The following MYH14 variants were observed in gnomAD, a reference collection of about 807,000 sequenced individuals.
The protein encoded by MYH14 is myosin-14.
Under a neutral mutation model 255.5 loss-of-function variants are expected in MYH14, and 123 were observed. The observed-to-expected ratio is 0.48, with a 90% CI of 0.42 to 0.56. The LOEUF (loss-of-function observed/expected upper bound fraction) is 0.56. Ranked by LOEUF, MYH14 falls within the 20% of genes least tolerant of loss-of-function variation. The pLI, the probability that MYH14 is intolerant of heterozygous loss-of-function variation, is 0.00. For synonymous variants in MYH14, 1,095 were observed against 1,161.2 expected, an observed-to-expected ratio of 0.94 and a Z score of 1.16; for missense variants, 2,423 against 2,802.3, an observed-to-expected ratio of 0.86 and a Z score of 3.06.
rs533182894 is a variant in MYH14, at chr19:50,250,315, A to G, written c.1657-200A>G. Among the ~76,000 whole-genome samples, 3 of 142,236 alleles carry G rather than the reference A, an allele frequency of 2.1e-5. No homozygotes were observed. Among genetic ancestry groups the G allele is most frequent in the East Asian group, 3.9e-4 (2 of 5,138 alleles). The allele number at this position is 142,236 out of a possible 152,430, so 93.3% of individuals were successfully genotyped here. On this transcript the variant is annotated intron_variant, in intron 14 of 42. Coordinates refer to ENST00000642316, the MANE Select transcript of MYH14 (RefSeq NM_001145809.2). The surrounding 1 kb of genome is among the most constrained non-coding windows in gnomAD (Gnocchi z 5.4). ...CGGGGGTTTCACTGTGTTAGCCAGGATGGTCTCGATCTCCTGACCTCGTGA... is the reference window on the plus strand; with the variant it reads ...CGGGGGTTTCACTGTGTTAGCCAGGGTGGTCTCGATCTCCTGACCTCGTGA...
At chr19:50,241,968 T>A (rs1167544579) in intron 10 of MYH14, among the ~76,000 whole-genome samples, 1 of 152,242 alleles carries the variant, frequency 6.6e-6, no homozygotes, top group East Asian at 1.9e-4. Flanking sequence ...AGCCTCACTG[T>A]GTATTAAAAC....
chr19:50,222,341 G>A (rs1014173274), intron 3 of MYH14, among the ~76,000 whole-genome samples: 3 of 152,012 alleles, frequency 2.0e-5, no homozygotes, highest in Non-Finnish European at 2.9e-5. Flanking sequence ...TTAGCTGGGC[G>A]TGGTGGTGGG....
intron 15 of MYH14, among the ~76,000 whole-genome samples, chr19:50,251,710 T>C (rs1261381916): frequency 6.6e-6 from 1 of 152,094 alleles, no homozygotes; most frequent in Non-Finnish European, 1.5e-5. Context: ...CCCCAGTAGC[T>C]GGGATTACAG....
intron 9 of MYH14, 72 bp from the exon 10 acceptor site, chr19:50,231,858 C>T: frequency 6.3e-7 from 1 of 1,588,366 alleles, no homozygotes; most frequent in East Asian, 2.2e-5. Flanking sequence ...CTGGGATTGC[C>T]ACCGATGAAT....
chr19:50,276,915 G>A lies in MYH14; in HGVS notation c.3825+14G>A. 6.3e-7 allele frequency: 1 copy of A among 1,590,910 alleles called. No homozygotes were observed. The highest frequency in any genetic ancestry group is 8.6e-7 in the Non-Finnish European group (1 of 1,167,674). The stretch of plus-strand genomic sequence containing the variant: ...CAGGCCCGGAGGGTGGGTTGGGGCA[G>A]GGGGACAGGGCAGGGGGGCCACGGG... On this transcript the variant is annotated intron_variant, in intron 29 of 42. Coordinates refer to ENST00000642316, the MANE Select transcript of MYH14 (RefSeq NM_001145809.2). The surrounding 1 kb of genome is among the most constrained non-coding windows in gnomAD (Gnocchi z 4.3).
Position 50,252,961 on chromosome 19 carries a change from C to A in MYH14, c.1945+208C>A, listed in dbSNP as rs776604399. On this transcript the variant is annotated intron_variant, in intron 16 of 42. Coordinates refer to ENST00000642316, the MANE Select transcript of MYH14 (RefSeq NM_001145809.2). This position sits in a 1 kb window ranked among gnomAD's most constrained non-coding sequence, Gnocchi z 4.2. Reference sequence around the variant, plus strand: ...ATTGACTATTGATTTGATTGATAAGCCAGCATCCTTCTCAAGGATAAAGCA... The same window carrying A: ...ATTGACTATTGATTTGATTGATAAGACAGCATCCTTCTCAAGGATAAAGCA... Among the ~76,000 whole-genome samples, 4 of 152,192 alleles carry A rather than the reference C, an allele frequency of 2.6e-5. No individual in the cohort carries two copies. Among genetic ancestry groups the A allele is most frequent in the Non-Finnish European group, 5.9e-5 (4 of 68,030 alleles).
intron 24 of MYH14, among the ~76,000 whole-genome samples, chr19:50,270,948 C>A (rs964748346): frequency 6.6e-6 from 1 of 152,194 alleles, no homozygotes; most frequent in Non-Finnish European, 1.5e-5. Flanking sequence ...CCTGCCTTGG[C>A]CTCCCAAAGT....
At position 50,250,442 on chromosome 19, in the gene MYH14, TA is replaced by T; in HGVS notation, c.1657-68del. On this transcript the variant is annotated intron_variant, in intron 14 of 42. Transcript: ENST00000642316. This position sits in a 1 kb window ranked among gnomAD's most constrained non-coding sequence, Gnocchi z 5.4. ...ATGTCCAAGTGTGACTTATAAGAGC[TA>T]AAAATCAGCAGCCACCTGAGTGTCC... 1 of 1,490,270 alleles carries T rather than the reference TA, an allele frequency of 6.7e-7. No individual in the cohort carries two copies. The highest frequency in any genetic ancestry group is 9.2e-7 in the Non-Finnish European group (1 of 1,088,950). The allele number at this position is 1,490,270 out of a possible 1,614,324, so 92.3% of individuals were successfully genotyped here.
At chr19:50,289,736 T>G in intron 35 of MYH14, 88 bp downstream of exon 35, 1 of 1,229,100 alleles carries the variant, frequency 8.1e-7, no homozygotes, top group South Asian at 1.4e-5. Context: ...GCAAGGGGTC[T>G]CCCCGACCCA....
intron 10 of MYH14, among the ~76,000 whole-genome samples, chr19:50,242,772 G>A (rs535636989): frequency 1.3e-5 from 2 of 152,280 alleles, no homozygotes; most frequent in South Asian, 2.1e-4. Flanking sequence ...ACGGTCCTGC[G>A]TAGAATGGAG....
In MYH14 at chr19:50,276,608, A is replaced by T; in HGVS notation, c.3681-149A>T. Reference sequence around the variant, plus strand: ...TCACCCTTAAAGCCACACTCCTTCCACAGCATCACCACCCAGATCTCCTGA... The same window carrying T: ...TCACCCTTAAAGCCACACTCCTTCCTCAGCATCACCACCCAGATCTCCTGA... On this transcript the variant is annotated intron_variant, in intron 28 of 42. Coordinates refer to ENST00000642316, the MANE Select transcript of MYH14 (RefSeq NM_001145809.2). This position sits in a 1 kb window ranked among gnomAD's most constrained non-coding sequence, Gnocchi z 4.3. The T allele has an allele frequency of 9.9e-7, 1 of 1,012,660 alleles. No homozygotes were observed. Among genetic ancestry groups the T allele is most frequent in the Non-Finnish European group, 1.5e-6 (1 of 678,682 alleles). 62.7% of individuals were successfully genotyped at this position (1,012,660 alleles called of 1,614,324 possible).
intron 9 of MYH14, among the ~76,000 whole-genome samples, chr19:50,231,447 C>A (rs1271303695): frequency 6.6e-6 from 1 of 152,218 alleles, no homozygotes; most frequent in Non-Finnish European, 1.5e-5. Context: ...GGGACTCATG[C>A]CTGCAATCCC....
At position 50,299,570 on chromosome 19, in the gene MYH14, CAAAAAAA is replaced by C. The variant is rs4002409; in HGVS notation, c.5470-2072_5470-2066del. Among the ~76,000 whole-genome samples the C allele has an allele frequency of 4.4e-3, 255 of 57,640 alleles. 1 individual carries two copies. The highest frequency in any genetic ancestry group is 9.1e-3 in the Admixed American group (34 of 3,738). 37.8% of individuals were successfully genotyped at this position (57,640 alleles called of 152,430 possible). ...TTGGTGACAGAGCAAGACTCCATCT[CAAAAAAA>C]AAAAAAAAAAAAAAAAAATTTTAAA... On this transcript the variant is annotated intron_variant, in intron 39 of 42. Transcript: ENST00000642316.
At chr19:50,268,789 C>T (rs1253993572) in intron 24 of MYH14, among the ~76,000 whole-genome samples, 1 of 152,014 alleles carries the variant, frequency 6.6e-6, no homozygotes, top group Admixed American at 6.6e-5. Context: ...ATCCAGGTGC[C>T]CAAGTGATGT....
At chr19:50,260,795 GCATA>G in intron 20 of MYH14, 80 bp downstream of exon 20, 12 of 1,041,952 alleles carry the variant, frequency 1.2e-5, no homozygotes, top group Non-Finnish European at 1.6e-5. Flanking sequence ...GTGTGTGCAT[GCATA>G]TGTGTGCATG....
chr19:50,298,436 C>T (rs138452892), intron 39 of MYH14, among the ~76,000 whole-genome samples: 27 of 151,750 alleles, frequency 1.8e-4, no homozygotes, highest in African/African-American at 6.5e-4. Context: ...GAAGTATATA[C>T]GCAAAGCAAT....
intron 2 of MYH14, among the ~76,000 whole-genome samples, chr19:50,217,388 G>T (rs1312490377): frequency 6.6e-6 from 1 of 152,146 alleles, no homozygotes; most frequent in Non-Finnish European, 1.5e-5. Context: ...TTCTCTCTCA[G>T]GACAAATCCT....
intron 8 of MYH14, among the ~76,000 whole-genome samples, chr19:50,229,178 C>T (rs1228021707): frequency 1.3e-5 from 2 of 152,196 alleles, no homozygotes; most frequent in Non-Finnish European, 2.9e-5. Context: ...AGCCCCTCCA[C>T]CTGTTTCTCC....
intron 7 of MYH14, 69 bp downstream of exon 7, chr19:50,225,746 T>G: frequency 8.0e-7 from 1 of 1,252,742 alleles, no homozygotes; most frequent in Non-Finnish European, 1.2e-6. Context: ...AGGGTGGGCT[T>G]CAGGGGGAAA....
Sources: gnomAD v4.1 joint callset for allele counts (sites outside exome capture counted in the v4.1 genomes callset) on GRCh38, gnomAD v4.1.1 for gene constraint, Gnocchi (gnomAD v3.1) non-coding constraint, MANE v1.5 for transcripts, NCBI Gene and HGNC (gene_info 2026-07-23, HGNC 2026-07-21) for gene names.